PLXNC1: variants seen among roughly 807,000 people sequenced by gnomAD.
PLXNC1 encodes plexin-C1.
Under a neutral mutation model 178.2 loss-of-function variants are expected in PLXNC1, and 75 were observed. The observed-to-expected ratio is 0.42, with a 90% CI of 0.35 to 0.51. The LOEUF is 0.51. Ranked by LOEUF, PLXNC1 falls within the 20% of genes least tolerant of loss-of-function variation. The probability of loss-of-function intolerance (pLI) is 0.02; values close to 1 mark genes in which losing one functional copy is unlikely to be tolerated. For missense variants in PLXNC1, 1,503 were observed against 1,984.4 expected (o/e 0.76, Z 4.61); for synonymous variants, 790 against 779.9 (o/e 1.01, Z -0.22).
At position 94,259,325 on chromosome 12, in the gene PLXNC1, C is replaced by T. The variant is rs779616103; in HGVS notation, c.3088-12C>T. 2 of 1,581,192 alleles carry T rather than the reference C, an allele frequency of 1.3e-6. No individual in the cohort carries two copies. The highest frequency in any genetic ancestry group is 2.3e-5 in the East Asian group (1 of 44,222). On this transcript the variant is annotated splice_polypyrimidine_tract_variant and intron_variant, in intron 17 of 30. Transcript: ENST00000258526. Reference sequence around the variant, plus strand: ...GATGTTATGAATAATAAAAGTGTCTCCTTCCTCTCAGTCAGGTGGCTTCAC... The same window carrying T: ...GATGTTATGAATAATAAAAGTGTCTTCTTCCTCTCAGTCAGGTGGCTTCAC...
At chr12:94,172,164 G>A (rs1245957781) in intron 2 of PLXNC1, among the ~76,000 whole-genome samples, 2 of 152,178 alleles carry the variant, frequency 1.3e-5, no homozygotes, top group African/African-American at 2.4e-5. Flanking sequence ...CCACAGCGTG[G>A]GGGAACTAAT....
At chr12:94,187,753 C>T (rs1325588619) in intron 4 of PLXNC1, among the ~76,000 whole-genome samples, 1 of 152,134 alleles carries the variant, frequency 6.6e-6, no homozygotes, top group Non-Finnish European at 1.5e-5. Flanking sequence ...GATTAAATAG[C>T]CACATGGAGC....
rs151123901 is a variant in PLXNC1, at chr12:94,293,759, C to T, written c.3880-727C>T. On this transcript the variant is annotated intron_variant, in intron 23 of 30. Transcript: ENST00000258526. ...TCAGCCTCCCAGGTAGCTGGGACTA[C>T]AGGTGTGCACCAATGCGCCCAGATA... Among the ~76,000 whole-genome samples the T allele has an allele frequency of 2.4e-3, 370 of 152,276 alleles. 1 individual carries two copies. Among genetic ancestry groups the T allele is most frequent in the African/African-American group, 8.5e-3 (352 of 41,554 alleles).
At position 94,209,605 on chromosome 12, in the gene PLXNC1, A is replaced by T. The variant is rs1963404814; in HGVS notation, c.1455A>T (p.Gly485=). Reference sequence around the variant, plus strand: ...GTTTTTTTAGGTGCACTTTTCAAGGAGATTGTGTACATTCAGAGAACTTAG... The same window carrying T: ...GTTTTTTTAGGTGCACTTTTCAAGGTGATTGTGTACATTCAGAGAACTTAG... ...CHSLQRCTFQ[G]DCVHSENLEN... The change falls in exon 5 of 31, where the codon GGA becomes GGT. Residue 485 remains glycine (G), a synonymous_variant. Transcript: ENST00000258526. 6.2e-7 allele frequency: 1 copy of T among 1,610,714 alleles called. No homozygotes were observed. The highest frequency in any genetic ancestry group is 2.2e-5 in the East Asian group (1 of 44,846).
At chr12:94,255,578 A>G (rs1964815930) in intron 17 of PLXNC1, among the ~76,000 whole-genome samples, 1 of 152,214 alleles carries the variant, frequency 6.6e-6, no homozygotes, top group Admixed American at 6.5e-5. Flanking sequence ...TTTTACTCTC[A>G]ATGTAGAACT....
chr12:94,216,057 G>A (rs1247372178), intron 5 of PLXNC1, among the ~76,000 whole-genome samples: 2 of 152,156 alleles, frequency 1.3e-5, no homozygotes, highest in African/African-American at 4.8e-5. Context: ...CTGAAGGTCA[G>A]GAGTTTGAGA....
chr12:94,257,752 A>G (rs899116913), intron 17 of PLXNC1, among the ~76,000 whole-genome samples: 35 of 150,944 alleles, frequency 2.3e-4, no homozygotes, highest in African/African-American at 8.3e-4. Flanking sequence ...TAAAAATACA[A>G]AAAAATTAGC....
chr12:94,227,576 C>G (rs185516053), intron 9 of PLXNC1: 1 of 228,400 alleles, frequency 4.4e-6, no homozygotes, highest in African/African-American at 2.3e-5. Context: ...TATATAATTG[C>G]GTTTCTGGGG....
At position 94,248,054 on chromosome 12, in the gene PLXNC1, C is replaced by A. The variant is rs751117319; in HGVS notation, c.2540C>A (p.Thr847Lys). 1 of 1,613,934 alleles carries A rather than the reference C, an allele frequency of 6.2e-7. No individual in the cohort carries two copies. The highest frequency in any genetic ancestry group is 8.5e-7 in the Non-Finnish European group (1 of 1,179,916). ...TLQYREDPRFTGYRVESEVDT... is the reference protein window; with the variant it reads ...TLQYREDPRFKGYRVESEVDT... ...CAGTATCGGGAGGACCCCAGATTCA[C>A]GGGGTATCGGGTGGAATCCGAGGTG... Residue 847 changes from threonine to lysine, a missense_variant, in exon 13 of 31, where the codon ACG becomes AAG. Physicochemically the swap from Thr to Lys is moderately conservative, Grantham distance 78. Around this residue, in one of 4 missense-constraint regions of PLXNC1, gnomAD observed 639 missense variants for 979.7 expected, o/e 0.65. Coordinates refer to ENST00000258526, the MANE Select transcript of PLXNC1 (RefSeq NM_005761.3).
At chr12:94,281,866 G>T (rs776831412) in intron 22 of PLXNC1, 2 of 167,970 alleles carry the variant, frequency 1.2e-5, no homozygotes, top group Non-Finnish European at 2.6e-5. Flanking sequence ...TGGCCAGAGA[G>T]TCTGCCCACT....
chr12:94,212,070 C>T (rs1023025272), intron 5 of PLXNC1, among the ~76,000 whole-genome samples: 2 of 151,620 alleles, frequency 1.3e-5, no homozygotes, highest in Non-Finnish European at 2.9e-5. Context: ...GTCAGGAGAT[C>T]GAGACCACCC....
At chr12:94,189,539 G>T (rs1962644250) in intron 4 of PLXNC1, among the ~76,000 whole-genome samples, 1 of 152,172 alleles carries the variant, frequency 6.6e-6, no homozygotes, top group Non-Finnish European at 1.5e-5. Flanking sequence ...CATTAGCTGA[G>T]TGTGGTGGTA....
At chr12:94,191,154 G>A (rs903511133) in intron 4 of PLXNC1, among the ~76,000 whole-genome samples, 1 of 152,184 alleles carries the variant, frequency 6.6e-6, no homozygotes, top group South Asian at 2.1e-4. Flanking sequence ...AAGACATTCT[G>A]AAGTCATGGA....
At chr12:94,243,448 T>C (rs996177883) in intron 11 of PLXNC1, among the ~76,000 whole-genome samples, 4 of 152,244 alleles carry the variant, frequency 2.6e-5, no homozygotes, top group Non-Finnish European at 5.9e-5. Context: ...AATTTACACT[T>C]TGCATGTCAT....
chr12:94,229,857 T>C (rs997602320), intron 9 of PLXNC1, among the ~76,000 whole-genome samples: 7 of 152,254 alleles, frequency 4.6e-5, no homozygotes, highest in African/African-American at 1.7e-4. Flanking sequence ...TTCTTCTTTT[T>C]CAAGATTGTT....
intron 21 of PLXNC1, among the ~76,000 whole-genome samples, chr12:94,273,443 C>A (rs530195565): frequency 6.6e-6 from 1 of 152,104 alleles, no homozygotes; most frequent in Non-Finnish European, 1.5e-5. Flanking sequence ...CCAAGTGTCT[C>A]CATGGTCTAG....
At chr12:94,258,839 G>T (rs1167090749) in intron 17 of PLXNC1, among the ~76,000 whole-genome samples, 1 of 152,218 alleles carries the variant, frequency 6.6e-6, no homozygotes, top group Non-Finnish European at 1.5e-5. Context: ...TTAAAACCAG[G>T]ACTGGAACCC....
At chr12:94,158,556 G>A (rs866456965) in intron 1 of PLXNC1, among the ~76,000 whole-genome samples, 1 of 152,192 alleles carries the variant, frequency 6.6e-6, no homozygotes, top group East Asian at 1.9e-4. Context: ...AGCACCTTGG[G>A]TGGCCAAGAC....
chr12:94,263,012 G>A (rs556346568), intron 20 of PLXNC1, among the ~76,000 whole-genome samples: 4 of 152,218 alleles, frequency 2.6e-5, no homozygotes, highest in East Asian at 3.9e-4. Context: ...CTTAGCCACC[G>A]CCCTGTGCCC....
Sources: allele counts gnomAD v4.1 joint callset (sites outside exome capture counted in the v4.1 genomes callset), GRCh38; gene constraint gnomAD v4.1.1; regional missense constraint gnomAD v4.1.1; transcripts MANE v1.5; gene names NCBI Gene and HGNC (gene_info 2026-07-23, HGNC 2026-07-21).